The following SDK2 variants were observed in gnomAD, a reference collection of about 807,000 sequenced individuals.
The protein encoded by SDK2 is sidekick cell adhesion molecule 2.
SDK2 carries 105 observed loss-of-function variants against 253.9 expected under a neutral mutation model. The ratio of observed to expected loss-of-function variants is 0.41; its 90% CI spans 0.35 to 0.49. The LOEUF (loss-of-function observed/expected upper bound fraction) is 0.49, where lower values mean the gene tolerates loss of function less well. Ranked by LOEUF, SDK2 falls within the 20% of genes least tolerant of loss-of-function variation. The pLI is 0.06. For synonymous variants in SDK2, 1,249 were observed against 1,234.9 expected (o/e 1.01, Z -0.24); for missense variants, 2,608 against 3,003.0 (o/e 0.87, Z 3.07).
rs549713536 is a variant in SDK2 at position 73,382,257 on chromosome 17, C to T, written c.4706-1307G>A. On this transcript the variant is annotated intron_variant, in intron 33 of 44. Transcript: ENST00000392650. ...AAAAGAAGAGGCTCTTAAACTGACC[C>T]CTCTCCTGCTAGTCTGTTTGGGTGA... Among the ~76,000 whole-genome samples the T allele has an allele frequency of 3.9e-5, 6 of 152,202 alleles. No individual in the cohort carries two copies. The East Asian group carries it at 1.2e-3, about 29-fold the overall frequency.
intron 4 of SDK2, among the ~76,000 whole-genome samples, chr17:73,452,635 CCCA>C (rs1475252520): frequency 6.6e-6 from 1 of 152,174 alleles, no homozygotes; most frequent in Non-Finnish European, 1.5e-5. Flanking sequence ...AAGGGTTTCA[CCCA>C]CCACAACAAA....
At chr17:73,571,008 C>A (rs2045377685) in intron 1 of SDK2, among the ~76,000 whole-genome samples, 1 of 151,876 alleles carries the variant, frequency 6.6e-6, no homozygotes, top group Admixed American at 6.6e-5. Flanking sequence ...GGGTGAAACT[C>A]CAGAGAACGA....
At position 73,423,896 on chromosome 17, in the gene SDK2, T is replaced by G; in HGVS notation, c.1760+20A>C. ...ATTGCCTGGACCGCCTCTGCCGGGG[T>G]CTGGGAGGGCTGCCCTTACCTGACT... is the stretch of plus-strand genomic sequence containing the variant. On this transcript the variant is annotated intron_variant, in intron 13 of 44. Coordinates refer to ENST00000392650, the MANE Select transcript of SDK2 (RefSeq NM_001144952.2). 7 of 1,535,450 alleles carry G rather than the reference T, an allele frequency of 4.6e-6. No homozygotes were observed. The highest frequency in any genetic ancestry group is 6.2e-6 in the Non-Finnish European group (7 of 1,136,800).
intron 4 of SDK2, among the ~76,000 whole-genome samples, chr17:73,453,911 A>T (rs905923854): frequency 6.6e-6 from 1 of 152,230 alleles, no homozygotes; most frequent in Non-Finnish European, 1.5e-5. Flanking sequence ...CACATATATG[A>T]TGCTGGTTCT....
chr17:73,432,334 T>C (rs922610772), intron 10 of SDK2, among the ~76,000 whole-genome samples: 4 of 152,010 alleles, frequency 2.6e-5, no homozygotes, highest in East Asian at 1.9e-4. Context: ...TTTGTGACTA[T>C]GTCTATTTTA....
Position 73,455,920 on chromosome 17 carries a change from C to A in SDK2, c.465G>T (p.Pro155=). The A allele has an allele frequency of 6.5e-7, 1 of 1,543,880 alleles. No individual in the cohort carries two copies. Among genetic ancestry groups the A allele is most frequent in the Non-Finnish European group, 8.7e-7 (1 of 1,146,296 alleles). Residue 155 remains proline (P), a synonymous_variant, in exon 4 of 45, where the codon CCG becomes CCT. Coordinates refer to ENST00000392650, the MANE Select transcript of SDK2 (RefSeq NM_001144952.2). The surrounding 1 kb of genome is among the most constrained non-coding windows in gnomAD (Gnocchi z 5.0). ...VTWFRDGRKI[P]PSSRIAITLE... ...GATGCACTCACATGCGGCTGCTGGG[C>A]GGGATCTTGCGGCCGTCCCGGAACC... is the stretch of plus-strand genomic sequence containing the variant.
Position 73,361,536 on chromosome 17 carries a change from A to C in SDK2, c.5467+148T>G. 1.5e-6 allele frequency: 1 copy of C among 687,818 alleles called. No homozygotes were observed. Among genetic ancestry groups the C allele is most frequent in the Non-Finnish European group, 2.3e-6 (1 of 429,364 alleles). 42.6% of individuals were successfully genotyped at this position (687,818 alleles called of 1,614,324 possible). A position where few individuals can be genotyped will look rare whatever the true frequency, so the allele number is the denominator to read the frequency against. ...GAGCCCGGGAGGAGGGAGCGGGGGG[A>C]GGGGTCACTGGGCACCAGGGGAAAG... is the stretch of plus-strand genomic sequence containing the variant. On this transcript the variant is annotated intron_variant, in intron 39 of 44. Coordinates refer to ENST00000392650, the MANE Select transcript of SDK2 (RefSeq NM_001144952.2). This position sits in a 1 kb window ranked among gnomAD's most constrained non-coding sequence, Gnocchi z 4.1.
At chr17:73,492,889 G>A (rs1412194496) in intron 2 of SDK2, among the ~76,000 whole-genome samples, 1 of 152,160 alleles carries the variant, frequency 6.6e-6, no homozygotes, top group African/African-American at 2.4e-5. Context: ...CTCCCCAGGC[G>A]TCTGTCTAGA....
Position 73,435,361 on chromosome 17 carries a change from T to C in SDK2, c.1195+89A>G, listed in dbSNP as rs2063358619. On this transcript the variant is annotated intron_variant, in intron 9 of 44. Coordinates refer to ENST00000392650, the MANE Select transcript of SDK2 (RefSeq NM_001144952.2). This position sits in a 1 kb window ranked among gnomAD's most constrained non-coding sequence, Gnocchi z 5.7. Reference sequence around the variant, plus strand: ...CCTATCTGCTTAATGGAACGTGCTATGCACAAGAGGCCCCTCGGAAGACCT... The same window carrying C: ...CCTATCTGCTTAATGGAACGTGCTACGCACAAGAGGCCCCTCGGAAGACCT... 2 of 1,306,764 alleles carry C rather than the reference T, an allele frequency of 1.5e-6. No individual in the cohort carries two copies. The highest frequency in any genetic ancestry group is 3.0e-5 in the African/African-American group (2 of 67,534). 80.9% of individuals were successfully genotyped at this position (1,306,764 alleles called of 1,614,324 possible).
intron 36 of SDK2, among the ~76,000 whole-genome samples, chr17:73,374,938 C>G (rs760510139): frequency 6.6e-6 from 1 of 152,146 alleles, no homozygotes; most frequent in Non-Finnish European, 1.5e-5. Flanking sequence ...AGCACAGCAG[C>G]CAGCGGGACC....
chr17:73,350,077 G>A (rs1339049008), intron 43 of SDK2, among the ~76,000 whole-genome samples, 160 bp downstream of exon 43: 2 of 143,744 alleles, frequency 1.4e-5, no homozygotes, highest in Admixed American at 1.4e-4. Context: ...GGGCCCCACT[G>A]TGTCTTTCTG....
rs922214064 is a variant in SDK2 at position 73,629,576 on chromosome 17, G to A, written c.64+14449C>T. ...GACCCCAGCATTTCCTAGGGAAGAC[G>A]GGGGCCCCTCCCATCCTACAAGACT... On this transcript the variant is annotated intron_variant, in intron 1 of 44. Transcript: ENST00000392650. This position sits in a 1 kb window ranked among gnomAD's most constrained non-coding sequence, Gnocchi z 5.0. Among the ~76,000 whole-genome samples the A allele has an allele frequency of 2.6e-5, 4 of 152,218 alleles. No homozygotes were observed. Among genetic ancestry groups the A allele is most frequent in the South Asian group, 2.1e-4 (1 of 4,820 alleles).
chr17:73,480,850 G>A (rs2063718210), intron 2 of SDK2, among the ~76,000 whole-genome samples: 1 of 152,188 alleles, frequency 6.6e-6, no homozygotes, highest in Non-Finnish European at 1.5e-5. Flanking sequence ...CAGGGAGGGT[G>A]ATGTCAGCTG....
At chr17:73,548,737 G>T (rs78267561) in intron 1 of SDK2, among the ~76,000 whole-genome samples, 1 of 152,246 alleles carries the variant, frequency 6.6e-6, no homozygotes, top group Non-Finnish European at 1.5e-5. Flanking sequence ...ACTGTCTGGG[G>T]GAAGTAGAGG....
intron 1 of SDK2, among the ~76,000 whole-genome samples, chr17:73,605,896 C>T (rs769782602): frequency 3.3e-5 from 5 of 151,960 alleles, no homozygotes; most frequent in South Asian, 2.1e-4. Context: ...TCACCAAGCC[C>T]GGGAAAGCTG....
intron 2 of SDK2, among the ~76,000 whole-genome samples, chr17:73,487,345 G>A (rs751944286): frequency 1.3e-5 from 2 of 152,254 alleles, no homozygotes; most frequent in Non-Finnish European, 2.9e-5. Context: ...CTGACCCAAG[G>A]CTGGGGCTCT....
intron 18 of SDK2, among the ~76,000 whole-genome samples, chr17:73,406,421 T>C (rs1386640719): frequency 6.6e-6 from 1 of 152,084 alleles, no homozygotes; most frequent in Non-Finnish European, 1.5e-5. Context: ...TTTTTTTTTT[T>C]GTATTTTTAA....
At chr17:73,559,274 TC>T (rs1171613269) in intron 1 of SDK2, among the ~76,000 whole-genome samples, 1 of 152,124 alleles carries the variant, frequency 6.6e-6, no homozygotes, top group Admixed American at 6.5e-5. Context: ...ATTTAACCTC[TC>T]TGAGCCTTGG....
At chr17:73,607,705 A>T (rs1485162526) in intron 1 of SDK2, among the ~76,000 whole-genome samples, 1 of 152,032 alleles carries the variant, frequency 6.6e-6, no homozygotes, top group Non-Finnish European at 1.5e-5. Context: ...GGCTTGGGAG[A>T]CAGAACAGAG....
Sources: allele counts gnomAD v4.1 joint callset (sites outside exome capture counted in the v4.1 genomes callset), GRCh38; gene constraint gnomAD v4.1.1; non-coding constraint Gnocchi (gnomAD v3.1); transcripts MANE v1.5; gene names NCBI Gene and HGNC (gene_info 2026-07-23, HGNC 2026-07-21).